The following LRRC4C variants were observed in gnomAD, a reference collection of about 807,000 sequenced individuals.
LRRC4C encodes leucine-rich repeat-containing protein 4C.
In LRRC4C, 5 loss-of-function variants were observed where a neutral mutation model predicts 33.6. That is an observed-to-expected ratio of 0.15 (90% CI 0.08 to 0.31). LRRC4C has a LOEUF of 0.31. Among genes scored for constraint, LRRC4C ranks in the 10% least tolerant of loss-of-function variants. LRRC4C has a pLI of 1.00. For missense variants in LRRC4C, 560 were observed against 796.7 expected (o/e 0.70, Z 3.58); for synonymous variants, 329 against 302.0 (o/e 1.09, Z -0.93).
intron 1 of LRRC4C, among the ~76,000 whole-genome samples, chr11:41,229,313 C>A (rs1218598379): frequency 6.6e-6 from 1 of 152,068 alleles, no homozygotes; most frequent in Non-Finnish European, 1.5e-5. Flanking sequence ...TTACAAAAAC[C>A]AACATGGTTG....
At chr11:40,381,453 G>A (rs954761057) in intron 3 of LRRC4C, among the ~76,000 whole-genome samples, 15 of 152,074 alleles carry the variant, frequency 9.9e-5, no homozygotes, top group African/African-American at 2.4e-4. Flanking sequence ...AAAATCTGCC[G>A]TCAACCTTCA....
intron 1 of LRRC4C, among the ~76,000 whole-genome samples, chr11:41,394,108 T>C (rs1565637582): frequency 6.6e-6 from 1 of 151,940 alleles, no homozygotes; most frequent in African/African-American, 2.4e-5. Context: ...ATCCTTCACT[T>C]TTTATGCATC....
At chr11:40,514,142 A>G (rs1955458779) in intron 3 of LRRC4C, among the ~76,000 whole-genome samples, 2 of 152,202 alleles carry the variant, frequency 1.3e-5, no homozygotes. Flanking sequence ...TAGAGTGACA[A>G]AGACCTGGGT....
chr11:41,412,792 G>A (rs545162669), intron 1 of LRRC4C, among the ~76,000 whole-genome samples: 6 of 152,268 alleles, frequency 3.9e-5, no homozygotes, highest in African/African-American at 1.4e-4. Flanking sequence ...CAGACAGAGA[G>A]AGACTGGAAA....
intron 1 of LRRC4C, among the ~76,000 whole-genome samples, chr11:40,994,845 C>T (rs949212077): frequency 9.2e-4 from 140 of 151,926 alleles, no homozygotes; most frequent in Non-Finnish European, 1.6e-3. Context: ...TCAACCTTTT[C>T]CCCCAATGAC....
chr11:41,436,218 C>T (rs189495183), intron 1 of LRRC4C, among the ~76,000 whole-genome samples: 280 of 152,166 alleles, frequency 1.8e-3, no homozygotes, highest in Non-Finnish European at 3.3e-3. Flanking sequence ...AAACATTTCC[C>T]AAATATAGAA....
At chr11:41,424,899 A>G (rs1251960254) in intron 1 of LRRC4C, among the ~76,000 whole-genome samples, 1 of 152,064 alleles carries the variant, frequency 6.6e-6, no homozygotes, top group Non-Finnish European at 1.5e-5. Context: ...GGTATCTAAA[A>G]CCAGTAAATG....
chr11:41,087,228 CA>C (rs1940066400), intron 1 of LRRC4C, among the ~76,000 whole-genome samples: 1 of 152,044 alleles, frequency 6.6e-6, no homozygotes, highest in African/African-American at 2.4e-5. Context: ...TTCCTACTGC[CA>C]ATACCATAGC....
intron 1 of LRRC4C, among the ~76,000 whole-genome samples, chr11:41,057,336 G>T (rs1461730365): frequency 6.6e-6 from 1 of 152,214 alleles, no homozygotes; most frequent in Non-Finnish European, 1.5e-5. Context: ...GCACTGATAA[G>T]CATAGGAGGG....
chr11:41,203,275 A>G (rs1177207470), intron 1 of LRRC4C, among the ~76,000 whole-genome samples: 2 of 152,192 alleles, frequency 1.3e-5, no homozygotes, highest in Admixed American at 6.5e-5. Context: ...TGAGGGCCCT[A>G]TAACAGAAAT....
At chr11:41,385,595 C>T (rs891113734) in intron 1 of LRRC4C, among the ~76,000 whole-genome samples, 1 of 151,516 alleles carries the variant, frequency 6.6e-6, no homozygotes, top group African/African-American at 2.4e-5. Context: ...TCTATTCATG[C>T]TTGTGAGATA....
At chr11:40,681,906 A>G (rs747598247) in intron 2 of LRRC4C, among the ~76,000 whole-genome samples, 5 of 152,184 alleles carry the variant, frequency 3.3e-5, no homozygotes, top group African/African-American at 7.2e-5. Context: ...GAGGACACAG[A>G]GGCATAAAAA....
At chr11:40,969,427 G>C (rs1203361085) in intron 1 of LRRC4C, among the ~76,000 whole-genome samples, 2 of 150,086 alleles carry the variant, frequency 1.3e-5, no homozygotes, top group Non-Finnish European at 3.0e-5. Flanking sequence ...AAGTTTTACT[G>C]TGGGTAAAAT....
chr11:40,623,212 A>T (rs944645404), intron 3 of LRRC4C, among the ~76,000 whole-genome samples: 2 of 151,880 alleles, frequency 1.3e-5, no homozygotes, highest in Non-Finnish European at 2.9e-5. Context: ...TTCAGCTGAA[A>T]GAATATCTTG....
intron 3 of LRRC4C, among the ~76,000 whole-genome samples, chr11:40,419,871 G>A (rs1362098523): frequency 6.6e-6 from 1 of 152,188 alleles, no homozygotes; most frequent in Non-Finnish European, 1.5e-5. Context: ...TACAGGAAGT[G>A]AGCATCTCAA....
At chr11:40,991,575 T>C (rs905681968) in intron 1 of LRRC4C, among the ~76,000 whole-genome samples, 32 of 152,194 alleles carry the variant, frequency 2.1e-4, no homozygotes, top group Non-Finnish European at 2.9e-5. Context: ...TATAATGAAA[T>C]AATTATATAA....
chr11:40,841,128 TAA>T (rs1421741538), intron 2 of LRRC4C, among the ~76,000 whole-genome samples: 2 of 152,260 alleles, frequency 1.3e-5, no homozygotes, highest in Non-Finnish European at 2.9e-5. Flanking sequence ...ACATTATTAC[TAA>T]GTTTTTAGAA....
chr11:41,022,722 G>T (rs756643285), intron 1 of LRRC4C, among the ~76,000 whole-genome samples: 3 of 151,978 alleles, frequency 2.0e-5, no homozygotes, highest in Non-Finnish European at 2.9e-5. Flanking sequence ...TTTAGGAAAA[G>T]AATACTTTAA....
chr11:40,128,122 C>T (rs1010003124), intron 6 of LRRC4C, among the ~76,000 whole-genome samples: 3 of 152,130 alleles, frequency 2.0e-5, no homozygotes, highest in African/African-American at 7.2e-5. Context: ...GGTAAATTGG[C>T]CTTCTCCGAG....
Sources: gnomAD v4.1 joint callset for allele counts (sites outside exome capture counted in the v4.1 genomes callset) on GRCh38, gnomAD v4.1.1 for gene constraint, MANE v1.5 for transcripts, NCBI Gene and HGNC (gene_info 2026-07-23, HGNC 2026-07-21) for gene names.